The following LMBR1 variants were observed in gnomAD, a reference collection of about 807,000 sequenced individuals.
LMBR1 encodes the protein limb development membrane protein 1, also known as limb region 1 protein homolog.
A neutral mutation model predicts 73.9 loss-of-function variants in LMBR1; 52 were observed. The observed-to-expected ratio is 0.70, with a 90% CI of 0.56 to 0.89. The LOEUF is 0.89. Among genes scored for constraint, LMBR1 ranks in the 40% least tolerant of loss-of-function variants. The pLI is 0.00. For synonymous variants in LMBR1, 215 were observed against 209.4 expected (o/e 1.03, Z -0.23); for missense variants, 539 against 579.8 (o/e 0.93, Z 0.72).
rs1585918939 is a variant in LMBR1, at chr7:156,806,347, T to C, written c.320-9855A>G. ...TTCTATCCTGCAGCCTTGAAGAATTTACTTACTGGTTCCAATAGCTTTTTT... is the reference window on the plus strand; with the variant it reads ...TTCTATCCTGCAGCCTTGAAGAATTCACTTACTGGTTCCAATAGCTTTTTT... On this transcript the variant is annotated intron_variant, in intron 4 of 16. Coordinates refer to ENST00000353442, the MANE Select transcript of LMBR1 (RefSeq NM_022458.4). 1.3e-5 allele frequency among the ~76,000 whole-genome samples: 2 copies of C among 152,222 alleles called. 1 individual carries two copies. Among genetic ancestry groups the C allele is most frequent in the Admixed American group, 1.3e-4 (2 of 15,264 alleles).
chr7:156,738,588 G>A (rs568231151), intron 9 of LMBR1, among the ~76,000 whole-genome samples: 2 of 152,292 alleles, frequency 1.3e-5, no homozygotes, highest in Non-Finnish European at 2.9e-5. Context: ...TCGAAGAGAG[G>A]AAAGTAAAGA....
intron 4 of LMBR1, among the ~76,000 whole-genome samples, chr7:156,815,860 A>C (rs1404866274): frequency 6.6e-6 from 1 of 152,134 alleles, no homozygotes; most frequent in Non-Finnish European, 1.5e-5. Flanking sequence ...TCTATTTCTA[A>C]CTTTTAACAT....
chr7:156,732,882 G>A (rs1013787456), intron 10 of LMBR1, among the ~76,000 whole-genome samples: 2 of 152,236 alleles, frequency 1.3e-5, no homozygotes, highest in Non-Finnish European at 2.9e-5. Flanking sequence ...CGTGGCTCAT[G>A]CCTGTAATCC....
chr7:156,746,937 A>G (rs1404716823), intron 9 of LMBR1, among the ~76,000 whole-genome samples: 1 of 152,204 alleles, frequency 6.6e-6, no homozygotes, highest in African/African-American at 2.4e-5. Flanking sequence ...TGTCTAGTCA[A>G]TAAGTCAAAC....
At chr7:156,869,001 T>C (rs1021616304) in intron 1 of LMBR1, among the ~76,000 whole-genome samples, 1 of 152,154 alleles carries the variant, frequency 6.6e-6, no homozygotes, top group Non-Finnish European at 1.5e-5. Context: ...CATTGCACAA[T>C]ATAAAGATAA....
chr7:156,725,556 C>A, intron 13 of LMBR1, 31 bp from the exon 14 acceptor site: 2 of 1,480,146 alleles, frequency 1.4e-6, no homozygotes, highest in Non-Finnish European at 1.9e-6. Context: ...AACTCTCCAA[C>A]AGAATGCAAG....
intron 1 of LMBR1, among the ~76,000 whole-genome samples, chr7:156,842,190 T>G (rs1299851610): frequency 6.6e-6 from 1 of 150,484 alleles, no homozygotes; most frequent in Non-Finnish European, 1.5e-5. Flanking sequence ...TGCAGGGTAA[T>G]AAGGAATCAG....
intron 1 of LMBR1, among the ~76,000 whole-genome samples, chr7:156,891,219 TATATATATATATATACAC>T (rs1441813523): frequency 5.3e-5 from 3 of 56,490 alleles, no homozygotes; most frequent in Admixed American, 4.6e-4. Context: ...AAAATATATA[TATATATATATATATACAC>T]ACACACACAC....
At chr7:156,686,460 G>A (rs191107273) in intron 16 of LMBR1, among the ~76,000 whole-genome samples, 72 of 152,246 alleles carry the variant, frequency 4.7e-4, no homozygotes, top group Middle Eastern at 3.4e-3. Flanking sequence ...TAAGATCTCA[G>A]ATCATTCAAA....
chr7:156,711,953 G>T (rs559842088), intron 15 of LMBR1, among the ~76,000 whole-genome samples: 1 of 152,258 alleles, frequency 6.6e-6, no homozygotes, highest in East Asian at 1.9e-4. Flanking sequence ...AAGAATTCAT[G>T]ACTTAAGACC....
intron 5 of LMBR1, among the ~76,000 whole-genome samples, chr7:156,786,165 A>G (rs1271631652): frequency 6.8e-6 from 1 of 146,262 alleles, no homozygotes; most frequent in Non-Finnish European, 1.5e-5. Context: ...GAGGGAAGGA[A>G]GGAAGGAAGG....
chr7:156,859,947 G>T (rs543238687), intron 1 of LMBR1, among the ~76,000 whole-genome samples: 2 of 152,118 alleles, frequency 1.3e-5, no homozygotes, highest in Admixed American at 6.6e-5. Flanking sequence ...AATAGAAAAA[G>T]ATCAATGGAA....
At chr7:156,891,847 A>G (rs1032841999) in intron 1 of LMBR1, among the ~76,000 whole-genome samples, 2 of 152,242 alleles carry the variant, frequency 1.3e-5, no homozygotes, top group Non-Finnish European at 2.9e-5. Flanking sequence ...CAGACTTTAT[A>G]TGTCCTCTTT....
At chr7:156,708,674 TCTGGTAGGGG>T (rs1352888892) in intron 15 of LMBR1, among the ~76,000 whole-genome samples, 8 of 152,144 alleles carry the variant, frequency 5.3e-5, no homozygotes, top group African/African-American at 1.9e-4. Flanking sequence ...TTGAGCAGAA[TCTGGTAGGGG>T]GGCAGGGTGC....
chr7:156,782,293 T>C (rs1827285854), intron 5 of LMBR1, among the ~76,000 whole-genome samples: 1 of 152,238 alleles, frequency 6.6e-6, no homozygotes, highest in Non-Finnish European at 1.5e-5. Flanking sequence ...TACATGTATG[T>C]GTTGGAGTTC....
downstream of LMBR1, chr7:156,676,580 C>T (rs1804099073): frequency 3.7e-6 from 6 of 1,614,208 alleles, no homozygotes; most frequent in Middle Eastern, 1.6e-4. Flanking sequence ...AGGAGTTCTC[C>T]GTGGGAGACA....
chr7:156,839,268 C>T (rs1347070876), intron 1 of LMBR1, among the ~76,000 whole-genome samples: 1 of 151,890 alleles, frequency 6.6e-6, no homozygotes, highest in Non-Finnish European at 1.5e-5. Flanking sequence ...AGGCTGGTCT[C>T]GAACTCCTGA....
At chr7:156,769,839 G>T (rs1824848624) in intron 5 of LMBR1, among the ~76,000 whole-genome samples, 1 of 152,168 alleles carries the variant, frequency 6.6e-6, no homozygotes, top group African/African-American at 2.4e-5. Flanking sequence ...GCTGCTCTGT[G>T]GCCCAGAGGG....
intron 15 of LMBR1, among the ~76,000 whole-genome samples, chr7:156,711,264 T>C (rs1812030753): frequency 6.6e-6 from 1 of 152,104 alleles, no homozygotes; most frequent in Non-Finnish European, 1.5e-5. Context: ...TGAGCCAAGA[T>C]TACGCCACTG....
Sources: gnomAD v4.1 joint callset for allele counts (sites outside exome capture counted in the v4.1 genomes callset) on GRCh38, gnomAD v4.1.1 for gene constraint, MANE v1.5 for transcripts, NCBI Gene and HGNC (gene_info 2026-07-23, HGNC 2026-07-21) for gene names.